Variants in DGKE observed in about 807,000 individuals in gnomAD.
The protein encoded by DGKE is diacylglycerol kinase epsilon.
DGKE carries 53 observed loss-of-function variants against 70.0 expected under a neutral mutation model. The observed-to-expected ratio is 0.76, with a 90% CI of 0.61 to 0.95. The LOEUF (loss-of-function observed/expected upper bound fraction) is 0.95, where lower values mean the gene tolerates loss of function less well. DGKE is among the 40% of genes least tolerant of loss of function. The probability of loss-of-function intolerance (pLI) is 0.00; values close to 1 mark genes in which losing one functional copy is unlikely to be tolerated. For missense variants in DGKE, 655 were observed against 706.9 expected, an observed-to-expected ratio of 0.93 and a Z score of 0.83; for synonymous variants, 291 against 257.0, an observed-to-expected ratio of 1.13 and a Z score of -1.27.
intron 2 of DGKE, among the ~76,000 whole-genome samples, chr17:56,842,756 T>C (rs1907063285): frequency 1.3e-5 from 2 of 152,212 alleles, no homozygotes; most frequent in South Asian, 4.1e-4. Context: ...TTTTTTATAT[T>C]CATTTAATTA....
At chr17:56,844,254 A>C in intron 3 of DGKE, 76 bp downstream of exon 3, 1 of 977,070 alleles carries the variant, frequency 1.0e-6, no homozygotes, top group Non-Finnish European at 1.4e-6. Context: ...TAGTTAAGAC[A>C]GTATGTAAGA....
rs1264616823 is a variant in DGKE, at chr17:56,862,703, A to G, written c.1616A>G (p.His539Arg). The G allele has an allele frequency of 6.2e-7, 1 of 1,611,432 alleles. No homozygotes were observed. Among genetic ancestry groups the G allele is most frequent in the East Asian group, 2.2e-5 (1 of 44,740 alleles). The change falls in exon 12 of 12, where the codon CAT becomes CGT. Residue 539 changes from histidine (H) to arginine (R), a missense_variant. Physicochemically the swap from His to Arg is conservative, Grantham distance 29. Transcript: ENST00000284061. ...PCTVTITHKT[H>R]AMMLYFSGEQ... ...ACTGTCACCATAACTCACAAGACAC[A>G]TGCAATGATGTTATATTTCTCTGGA...
Position 56,845,743 on chromosome 17 carries a change from T to C in DGKE, c.678T>C (p.Ser226=), listed in dbSNP as rs764658898. The C allele has an allele frequency of 1.2e-6, 2 of 1,612,918 alleles. No individual in the cohort carries two copies. Among genetic ancestry groups the C allele is most frequent in the Non-Finnish European group, 1.7e-6 (2 of 1,179,342 alleles). The change falls in exon 4 of 12, where the codon TCT becomes TCC. Residue 226 remains serine (S), a synonymous_variant. Transcript: ENST00000284061. ...CCCCATTAATAATCCTGGCCAACTC[T>C]CGTAGTGGAACTAATATGGGAGAAG... The part of the protein sequence containing the change: ...QWTPLIILAN[S]RSGTNMGEGL...
chr17:56,834,423 C>T (rs1274437565), intron 1 of DGKE, among the ~76,000 whole-genome samples, 163 bp downstream of exon 1: 1 of 152,240 alleles, frequency 6.6e-6, no homozygotes, highest in African/African-American at 2.4e-5. Context: ...ACCGGCGTTG[C>T]CTGGCCTGAA....
intron 7 of DGKE, among the ~76,000 whole-genome samples, chr17:56,851,658 T>C (rs1163051222): frequency 6.6e-6 from 1 of 152,090 alleles, no homozygotes; most frequent in Non-Finnish European, 1.5e-5. Flanking sequence ...CAAACAAACA[T>C]TTAAGGAAAG....
chr17:56,842,880 T>A (rs926620944), intron 2 of DGKE, among the ~76,000 whole-genome samples: 1 of 152,246 alleles, frequency 6.6e-6, no homozygotes, highest in Non-Finnish European at 1.5e-5. Context: ...TTACCAGCTC[T>A]GTTCTCTGCT....
At chr17:56,843,361 T>C (rs1339061180) in intron 2 of DGKE, among the ~76,000 whole-genome samples, 3 of 152,218 alleles carry the variant, frequency 2.0e-5, no homozygotes, top group African/African-American at 7.2e-5. Context: ...TTTGCTTCTA[T>C]TGTCATAGCA....
In DGKE at chr17:56,840,269, G is replaced by A. The variant is rs117883942; in HGVS notation, c.465-3750G>A. 4.6e-3 allele frequency among the ~76,000 whole-genome samples: 708 copies of A among 152,318 alleles called. 4 individuals are homozygous for A. The highest frequency in any genetic ancestry group is 7.7e-3 in the Non-Finnish European group (525 of 68,024). On this transcript the variant is annotated intron_variant, in intron 2 of 11. Coordinates refer to ENST00000284061, the MANE Select transcript of DGKE (RefSeq NM_003647.3). ...TTGGGGGTAGAAAAGATGGTTTTAT[G>A]AATCGTGTTAGGACAAGTGCTCTTG...
chr17:56,850,240 T>C (rs1907566885), intron 7 of DGKE, among the ~76,000 whole-genome samples: 1 of 151,886 alleles, frequency 6.6e-6, no homozygotes, highest in Non-Finnish European at 1.5e-5. Flanking sequence ...TCCTCCCACC[T>C]CAGCCTCCGA....
At position 56,847,920 on chromosome 17, in the gene DGKE, A is replaced by G. The variant is rs1278588194; in HGVS notation, c.745-2A>G. ...TAATTTGTCTTTTTCTTTTGTTTCT[A>G]GGTTTTTGATGTAACTAAAACTCCT... On this transcript the variant is annotated splice_acceptor_variant, in intron 4 of 11. Coordinates refer to ENST00000284061, the MANE Select transcript of DGKE (RefSeq NM_003647.3). LOFTEE classifies it high-confidence loss of function. 6.5e-7 allele frequency: 1 copy of G among 1,541,992 alleles called. No homozygotes were observed. Among genetic ancestry groups the G allele is most frequent in the Admixed American group, 2.1e-5 (1 of 46,620 alleles).
Position 56,864,417 on chromosome 17 carries a change from A to G in DGKE, c.*1626A>G, listed in dbSNP as rs1476103334. 1 of 152,210 alleles carries G rather than the reference A, an allele frequency of 6.6e-6. No homozygotes were observed. Among genetic ancestry groups the G allele is most frequent in the African/African-American group, 2.4e-5 (1 of 41,438 alleles). The allele number at this position is 152,210 out of a possible 1,614,324, so 9.4% of individuals were successfully genotyped here. A position where few individuals can be genotyped will look rare whatever the true frequency, so the allele number is the denominator to read the frequency against. The stretch of plus-strand genomic sequence containing the variant: ...TTTTCAAAGAGCAACTTAGTAATGT[A>G]TACAGTAGTCAGTACATTTTATGAA... On this transcript the variant is annotated 3_prime_UTR_variant, in exon 12 of 12. Transcript: ENST00000284061.
chr17:56,860,102 T>C (rs1418262244), intron 9 of DGKE, among the ~76,000 whole-genome samples: 1 of 152,122 alleles, frequency 6.6e-6, no homozygotes, highest in African/African-American at 2.4e-5. Context: ...ATTTTATTTA[T>C]ATAAAAATAC....
Position 56,863,460 on chromosome 17 carries a change from A to G in DGKE, c.*669A>G, listed in dbSNP as rs915709913. ...GCTGCAATTCAGGATCTTTTTTATA[A>G]CACCAGTGTAGCCAAAAGAGAAACA... On this transcript the variant is annotated 3_prime_UTR_variant, in exon 12 of 12. Transcript: ENST00000284061. 1 of 152,254 alleles carries G rather than the reference A, an allele frequency of 6.6e-6. No homozygotes were observed. Among genetic ancestry groups the G allele is most frequent in the African/African-American group, 2.4e-5 (1 of 41,470 alleles). The allele number at this position is 152,254 out of a possible 1,614,324, so 9.4% of individuals were successfully genotyped here.
chr17:56,848,567 C>A, intron 5 of DGKE, 129 bp from the exon 6 acceptor site: 3 of 909,008 alleles, frequency 3.3e-6, no homozygotes, highest in South Asian at 1.9e-5. Context: ...TTAGCACAAG[C>A]TTTAGCAAAA....
chr17:56,858,204 TC>T (rs1908070248), intron 8 of DGKE, among the ~76,000 whole-genome samples: 1 of 152,176 alleles, frequency 6.6e-6, no homozygotes, highest in African/African-American at 2.4e-5. Flanking sequence ...TAATATTTCA[TC>T]TACTGTACCA....
intron 7 of DGKE, among the ~76,000 whole-genome samples, chr17:56,849,751 A>T (rs1350691659): frequency 1.3e-5 from 2 of 152,212 alleles, no homozygotes; most frequent in Non-Finnish European, 2.9e-5. Flanking sequence ...TGGTTTTTAT[A>T]ACTGAATATA....
chr17:56,860,550 T>C (rs1461796924), intron 9 of DGKE, among the ~76,000 whole-genome samples: 2 of 152,120 alleles, frequency 1.3e-5, no homozygotes, highest in African/African-American at 4.8e-5. Context: ...CAAAAAGATA[T>C]TTAAATCACA....
intron 2 of DGKE, chr17:56,836,512 C>G (rs2144189963): frequency 6.6e-6 from 1 of 152,298 alleles, no homozygotes; most frequent in East Asian, 1.9e-4. Context: ...TAGCCTCCAG[C>G]AGTCTGTGTC....
intron 9 of DGKE, among the ~76,000 whole-genome samples, chr17:56,859,588 T>C (rs896734275): frequency 2.6e-5 from 4 of 151,720 alleles, no homozygotes; most frequent in African/African-American, 7.3e-5. Context: ...CCCGGCTAAT[T>C]TTTTGTATTT....
Sources: gnomAD v4.1 joint callset for allele counts (sites outside exome capture counted in the v4.1 genomes callset) on GRCh38, gnomAD v4.1.1 for gene constraint, MANE v1.5 for transcripts, NCBI Gene and HGNC (gene_info 2026-07-23, HGNC 2026-07-21) for gene names.